Variants in LPP observed in about 807,000 individuals in gnomAD.
The protein encoded by LPP is LIM domain containing preferred translocation partner in lipoma, also known as lipoma-preferred partner.
A neutral mutation model predicts 60.4 loss-of-function variants in LPP; 38 were observed. The ratio of observed to expected loss-of-function variants is 0.63; its 90% CI spans 0.49 to 0.83. The LOEUF (loss-of-function observed/expected upper bound fraction) is 0.83. Among genes scored for constraint, LPP ranks in the 40% least tolerant of loss-of-function variants. LPP has a pLI of 0.00. For synonymous variants in LPP, 328 were observed against 290.8 expected, an observed-to-expected ratio of 1.13 and a Z score of -1.30; for missense variants, 902 against 783.6, an observed-to-expected ratio of 1.15 and a Z score of -1.80.
chr3:188,393,086 T>C (rs2148706347), intron 3 of LPP, among the ~76,000 whole-genome samples: 1 of 152,004 alleles, frequency 6.6e-6, no homozygotes, highest in Admixed American at 6.6e-5. Flanking sequence ...TTCTAGTACT[T>C]GTAACCAAGT....
chr3:188,393,646 G>A (rs1393714480), intron 3 of LPP, among the ~76,000 whole-genome samples: 1 of 152,178 alleles, frequency 6.6e-6, no homozygotes, highest in Non-Finnish European at 1.5e-5. Context: ...TAATTATACA[G>A]AGCCTTCAAG....
intron 9 of LPP, among the ~76,000 whole-genome samples, chr3:188,821,951 G>T (rs568853491): frequency 6.6e-6 from 1 of 151,924 alleles, no homozygotes; most frequent in South Asian, 2.1e-4. Flanking sequence ...ATTTCTATGT[G>T]GGCTGAATTT....
intron 1 of LPP, among the ~76,000 whole-genome samples, chr3:188,195,088 G>T (rs1300795126): frequency 1.3e-5 from 2 of 152,056 alleles, no homozygotes; most frequent in African/African-American, 2.4e-5. Flanking sequence ...GTGAAACCTC[G>T]TCTCTACTAA....
chr3:188,848,280 C>G lies in LPP; in HGVS notation c.1411-17920C>G, dbSNP rs563721802. On this transcript the variant is annotated intron_variant, in intron 9 of 11. Coordinates refer to ENST00000617246, the MANE Select transcript of LPP (RefSeq NM_001375462.1). ...GAGCCTCGAGTCTTGTCTTATGAGTCTCCGGGTAGAGCTGAACTGGCTGCA... is the reference window on the plus strand; with the variant it reads ...GAGCCTCGAGTCTTGTCTTATGAGTGTCCGGGTAGAGCTGAACTGGCTGCA... Among the ~76,000 whole-genome samples the G allele has an allele frequency of 3.9e-5, 6 of 152,240 alleles. No individual in the cohort carries two copies. The East Asian group carries it at 1.2e-3, about 29-fold the overall frequency.
At chr3:188,400,266 T>C (rs998421145) in intron 3 of LPP, among the ~76,000 whole-genome samples, 1 of 152,218 alleles carries the variant, frequency 6.6e-6, no homozygotes, top group African/African-American at 2.4e-5. Context: ...AGGGAGGTAG[T>C]ACAGAGTGAA....
intron 2 of LPP, among the ~76,000 whole-genome samples, chr3:188,287,550 T>C (rs528173582): frequency 7.5e-4 from 115 of 152,352 alleles, no homozygotes; most frequent in African/African-American, 2.7e-3. Context: ...AAATCTGCCT[T>C]CTTTCTTTGC....
At chr3:188,595,439 G>T (rs1365441469) in intron 6 of LPP, among the ~76,000 whole-genome samples, 2 of 152,182 alleles carry the variant, frequency 1.3e-5, no homozygotes, top group Non-Finnish European at 2.9e-5. Flanking sequence ...GATTTCAGCA[G>T]TTGTGCTGAC....
At chr3:188,302,707 T>A (rs1750307081) in intron 2 of LPP, among the ~76,000 whole-genome samples, 1 of 152,230 alleles carries the variant, frequency 6.6e-6, no homozygotes, top group Non-Finnish European at 1.5e-5. Context: ...TTCAAACTTT[T>A]GTAAGCTCTG....
intron 9 of LPP, among the ~76,000 whole-genome samples, chr3:188,855,353 T>C (rs1285948220): frequency 6.6e-6 from 1 of 152,224 alleles, no homozygotes; most frequent in Non-Finnish European, 1.5e-5. Context: ...AGTAGTGTCT[T>C]GAACAAACTA....
At chr3:188,194,701 C>T (rs969214391) in intron 1 of LPP, among the ~76,000 whole-genome samples, 1 of 152,154 alleles carries the variant, frequency 6.6e-6, no homozygotes, top group African/African-American at 2.4e-5. Flanking sequence ...TGCATGTAGA[C>T]ATGATTGAAA....
chr3:188,378,521 G>C (rs1444624571), intron 3 of LPP, among the ~76,000 whole-genome samples: 2 of 152,192 alleles, frequency 1.3e-5, no homozygotes, highest in Non-Finnish European at 2.9e-5. Flanking sequence ...CCAGGTGGGG[G>C]ATATAATCTC....
intron 3 of LPP, among the ~76,000 whole-genome samples, chr3:188,345,337 C>T (rs761644556): frequency 2.6e-4 from 40 of 152,106 alleles, no homozygotes; most frequent in Admixed American, 5.9e-4. Context: ...CTTCTGCTTT[C>T]CGTGTTTATT....
At chr3:188,871,945 G>C (rs1768214223) in intron 10 of LPP, among the ~76,000 whole-genome samples, 1 of 152,146 alleles carries the variant, frequency 6.6e-6, no homozygotes, top group Admixed American at 6.5e-5. Flanking sequence ...ATGTGTGTTA[G>C]TATACACTCA....
chr3:188,398,104 G>A (rs74538668), intron 3 of LPP, among the ~76,000 whole-genome samples: 1,543 of 152,244 alleles, frequency 0.01, 29 homozygotes, highest in African/African-American at 0.035. Context: ...AAGGCAGATG[G>A]GCATTTAATG....
chr3:188,871,333 C>G (rs1483909428), intron 10 of LPP, among the ~76,000 whole-genome samples: 1 of 152,174 alleles, frequency 6.6e-6, no homozygotes, highest in Non-Finnish European at 1.5e-5. Context: ...ATATAAACTT[C>G]TTGCATAAAA....
chr3:188,551,679 T>C (rs1483765386), intron 6 of LPP, among the ~76,000 whole-genome samples: 1 of 151,980 alleles, frequency 6.6e-6, no homozygotes, highest in East Asian at 1.9e-4. Context: ...GATGTACAGT[T>C]TGGTGTGTAC....
intron 5 of LPP, among the ~76,000 whole-genome samples, chr3:188,515,235 T>C (rs1817009106): frequency 6.6e-6 from 1 of 152,132 alleles, no homozygotes; most frequent in Non-Finnish European, 1.5e-5. Context: ...GAGTGAGTTC[T>C]TCCTCTGGGT....
At chr3:188,707,790 G>T (rs144111386) in intron 7 of LPP, among the ~76,000 whole-genome samples, 56 of 152,166 alleles carry the variant, frequency 3.7e-4, no homozygotes, top group Admixed American at 2.9e-3. Context: ...GCTGAATAAG[G>T]CCTAGCCTGC....
At chr3:188,203,600 TATAA>T (rs1462985638) in intron 1 of LPP, among the ~76,000 whole-genome samples, 2 of 113,550 alleles carry the variant, frequency 1.8e-5, no homozygotes, top group Non-Finnish European at 3.4e-5. Flanking sequence ...TTTAAATATA[TATAA>T]ATATATATTT....
Sources: allele counts gnomAD v4.1 joint callset (sites outside exome capture counted in the v4.1 genomes callset), GRCh38; gene constraint gnomAD v4.1.1; transcripts MANE v1.5; gene names NCBI Gene and HGNC (gene_info 2026-07-23, HGNC 2026-07-21).